Variants in L3MBTL2 observed in about 807,000 individuals in gnomAD.
The protein encoded by L3MBTL2 is lethal(3)malignant brain tumor-like protein 2.
Under a neutral mutation model 86.4 loss-of-function variants are expected in L3MBTL2, and 49 were observed. That is an observed-to-expected ratio of 0.57 (90% CI 0.45 to 0.72). The LOEUF (loss-of-function observed/expected upper bound fraction) is 0.72, where lower values mean the gene tolerates loss of function less well. Among genes scored for constraint, L3MBTL2 ranks in the 30% least tolerant of loss-of-function variants. The pLI is 0.00. For synonymous variants in L3MBTL2, 336 were observed against 350.6 expected (o/e 0.96, Z 0.47); for missense variants, 755 against 923.7 (o/e 0.82, Z 2.37).
At position 41,224,555 on chromosome 22, in the gene L3MBTL2, G is replaced by T. The variant is rs2032052740; in HGVS notation, c.1175-170G>T. Among the ~76,000 whole-genome samples, 1 of 152,106 alleles carries T rather than the reference G, an allele frequency of 6.6e-6. No homozygotes were observed. Among genetic ancestry groups the T allele is most frequent in the Non-Finnish European group, 1.5e-5 (1 of 68,034 alleles). On this transcript the variant is annotated intron_variant, in intron 9 of 16. Transcript: ENST00000216237. The surrounding 1 kb of genome is among the most constrained non-coding windows in gnomAD (Gnocchi z 4.9). ...TACAGAGAGCTCTTGATGTTTTCTGGACTCAACCTTTCTGTCTGCTACTCT... is the reference window on the plus strand; with the variant it reads ...TACAGAGAGCTCTTGATGTTTTCTGTACTCAACCTTTCTGTCTGCTACTCT...
At position 41,224,016 on chromosome 22, in the gene L3MBTL2, T is replaced by G. The variant is rs767040850; in HGVS notation, c.943-4T>G. On this transcript the variant is annotated splice_polypyrimidine_tract_variant and splice_region_variant and intron_variant, in intron 8 of 16. Coordinates refer to ENST00000216237, the MANE Select transcript of L3MBTL2 (RefSeq NM_031488.5). This position sits in a 1 kb window ranked among gnomAD's most constrained non-coding sequence, Gnocchi z 4.9. ...AGCAGGCCTGTGTTCTGACGTCGTT[T>G]CAGATGGTGGAGAGCATGAAGTACC... 1 of 1,613,416 alleles carries G rather than the reference T, an allele frequency of 6.2e-7. No homozygotes were observed. Among genetic ancestry groups the G allele is most frequent in the Non-Finnish European group, 8.5e-7 (1 of 1,179,448 alleles).
At chr22:41,216,406 T>TC in intron 4 of L3MBTL2, 144 bp downstream of exon 4, 1 of 935,400 alleles carries the variant, frequency 1.1e-6, no homozygotes. Context: ...GATTGCATCT[T>TC]CCTCACCTGT....
intron 2 of L3MBTL2, chr22:41,210,144 T>A: frequency 2.5e-4 from 34 of 134,426 alleles, no homozygotes; most frequent in Non-Finnish European, 3.9e-4. Flanking sequence ...GTCTAATTTC[T>A]TTTTTTTTTT....
In L3MBTL2 at chr22:41,230,150, C is replaced by T. The variant is rs954517657; in HGVS notation, c.2017C>T (p.Arg673Cys). ...EPVPGEIIAV[R>C]VKEEHLDVAS... ...CCCTCCCTCTTCAGTCATTGCTGTG[C>T]GTGTGAAGGAAGAGCATCTAGACGT... is the stretch of plus-strand genomic sequence containing the variant. The change falls in exon 17 of 17, where the codon CGT becomes TGT. Residue 673 changes from arginine (R) to cysteine (C), a missense_variant. By Grantham distance (180) the Arg-to-Cys change is radical. This residue lies in a region of L3MBTL2 where 634 missense variants were observed against 748.9 expected (regional missense o/e 0.85). Transcript: ENST00000216237. The T allele has an allele frequency of 7.2e-6, 9 of 1,241,690 alleles. No homozygotes were observed. The Admixed American group carries it at 9.9e-5, about 14-fold the overall frequency. The allele number at this position is 1,241,690 out of a possible 1,614,324, so 76.9% of individuals were successfully genotyped here.
chr22:41,228,343 G>A, intron 15 of L3MBTL2: 1 of 985,478 alleles, frequency 1.0e-6, no homozygotes, highest in Non-Finnish European at 1.2e-6. Context: ...GACTCCACCT[G>A]GCTCTCAGGC....
At position 41,209,885 on chromosome 22, in the gene L3MBTL2, C is replaced by T. The variant is rs957321378; in HGVS notation, c.214C>T (p.Leu72Phe). ...ACTGCCGACCTCCCCGCTGCATTTGCTCAGCCCTGGGACTCCTCGCTCCTT... is the reference window on the plus strand; with the variant it reads ...ACTGCCGACCTCCCCGCTGCATTTGTTCAGCCCTGGGACTCCTCGCTCCTT... ...GELPTSPLHL[L>F]SPGTPRSLDG... The change falls in exon 2 of 17, where the codon CTC (leucine) becomes TTC (phenylalanine). Residue 72 changes from leucine to phenylalanine, a missense_variant. Around this residue, in one of 3 missense-constraint regions of L3MBTL2, gnomAD observed 103 missense variants for 105.2 expected, o/e 0.98. Coordinates refer to ENST00000216237, the MANE Select transcript of L3MBTL2 (RefSeq NM_031488.5). 1 of 1,614,122 alleles carries T rather than the reference C, an allele frequency of 6.2e-7. No homozygotes were observed. The highest frequency in any genetic ancestry group is 1.7e-5 in the Admixed American group (1 of 60,000).
Position 41,224,932 on chromosome 22 carries a change from G to C in L3MBTL2, c.1252-35G>C. On this transcript the variant is annotated intron_variant, in intron 10 of 16. Transcript: ENST00000216237. This position sits in a 1 kb window ranked among gnomAD's most constrained non-coding sequence, Gnocchi z 4.9. ...CTTCCCTCACCCTTCCTCCTGGCCT[G>C]CCCAGGGAGTCCCCAGCTGTCCCAT... is the stretch of plus-strand genomic sequence containing the variant. 6.3e-7 allele frequency: 1 copy of C among 1,598,182 alleles called. No individual in the cohort carries two copies. Among genetic ancestry groups the C allele is most frequent in the Non-Finnish European group, 8.6e-7 (1 of 1,166,802 alleles).
intron 1 of L3MBTL2, 30 bp from the exon 2 acceptor site, chr22:41,209,666 T>C: frequency 6.3e-7 from 1 of 1,599,376 alleles, no homozygotes; most frequent in Non-Finnish European, 8.6e-7. Context: ...TCATAATTCT[T>C]TCTACCTGGT....
At chr22:41,218,681 TG>T (rs2031579194) in intron 5 of L3MBTL2, 1 of 152,338 alleles carries the variant, frequency 6.6e-6, no homozygotes, top group African/African-American at 2.4e-5. Flanking sequence ...TGGAGTGCAA[TG>T]GCACTATCTC....
intron 2 of L3MBTL2, among the ~76,000 whole-genome samples, chr22:41,211,557 C>CTTTCTTTTTTTTTTTTTTTTTTTTTT (rs1039028243): frequency 2.1e-5 from 2 of 97,392 alleles, no homozygotes; most frequent in Non-Finnish European, 2.0e-5. Context: ...ATCTTATTTC[C>CTTTCTTTTTTTTTTTTTTTTTTTTTT]TTTTTTTTTT....
chr22:41,227,216 G>T lies in L3MBTL2; in HGVS notation c.1715G>T (p.Gly572Val). ...VHRLLSIHFD[G>V]WDSEYDQWVD... ...CGGCTCCTCAGCATCCACTTTGACG[G>T]CTGGGACAGCGAGTACGACCAGTGG... The change falls in exon 14 of 17, where the codon GGC (glycine) becomes GTC (valine). Residue 572 changes from glycine to valine, a missense_variant. Around this residue, in one of 3 missense-constraint regions of L3MBTL2, gnomAD observed 634 missense variants for 748.9 expected, o/e 0.85. Coordinates refer to ENST00000216237, the MANE Select transcript of L3MBTL2 (RefSeq NM_031488.5). The surrounding 1 kb of genome is among the most constrained non-coding windows in gnomAD (Gnocchi z 6.0). 1.2e-6 allele frequency: 2 copies of T among 1,613,542 alleles called. No individual in the cohort carries two copies. Among genetic ancestry groups the T allele is most frequent in the Non-Finnish European group, 1.7e-6 (2 of 1,180,004 alleles).
intron 15 of L3MBTL2, among the ~76,000 whole-genome samples, chr22:41,229,180 C>G (rs533828329): frequency 6.6e-6 from 1 of 152,270 alleles, no homozygotes; most frequent in South Asian, 2.1e-4. Flanking sequence ...TCACCTGAGC[C>G]TGGGAGGTCA....
chr22:41,219,721 C>T (rs1382452945), intron 6 of L3MBTL2, among the ~76,000 whole-genome samples, 185 bp downstream of exon 6: 1 of 152,062 alleles, frequency 6.6e-6, no homozygotes, highest in African/African-American at 2.4e-5. Context: ...GCTTGGAAAC[C>T]CCAAATTTTT....
At chr22:41,206,168 A>T (rs557775765) in intron 1 of L3MBTL2, 1 of 152,020 alleles carries the variant, frequency 6.6e-6, no homozygotes, top group Non-Finnish European at 1.5e-5. Flanking sequence ...TTTTTAGTAG[A>T]GACGAGGTTT....
At chr22:41,228,848 G>A (rs1278612787) in intron 15 of L3MBTL2, among the ~76,000 whole-genome samples, 8 of 133,690 alleles carry the variant, frequency 6.0e-5, no homozygotes, top group Non-Finnish European at 9.6e-5. Context: ...AAACTCCATC[G>A]CACAAAAAAA....
rs1274350487 is a variant in L3MBTL2 at position 41,224,114 on chromosome 22, A to G, written c.1037A>G (p.Asp346Gly). 6.2e-7 allele frequency: 1 copy of G among 1,614,132 alleles called. No homozygotes were observed. Among genetic ancestry groups the G allele is most frequent in the Non-Finnish European group, 8.5e-7 (1 of 1,180,008 alleles). The change falls in exon 9 of 17, where the codon GAC becomes GGC. Residue 346 changes from aspartate to glycine, a missense_variant. By Grantham distance (94) the Asp-to-Gly change is moderately conservative. Coordinates refer to ENST00000216237, the MANE Select transcript of L3MBTL2 (RefSeq NM_031488.5). This position sits in a 1 kb window ranked among gnomAD's most constrained non-coding sequence, Gnocchi z 4.9. ...TCACGCACTCGCATGGCTGTGGTGG[A>G]CACAGTAATCGGGGGTCGCCTACGG... ...QVSRTRMAVV[D>G]TVIGGRLRLL...
rs372087476 is a variant in L3MBTL2, at chr22:41,226,793, G to A, written c.1587+49G>A. ...GGGGCCTGCGGTGGCCTCAGGACAG[G>A]CCCTGCCTGCTGCTGTCAGTGGTGG... is the stretch of plus-strand genomic sequence containing the variant. On this transcript the variant is annotated intron_variant, in intron 13 of 16. Transcript: ENST00000216237. The A allele has an allele frequency of 7.5e-5, 98 of 1,310,460 alleles. No homozygotes were observed. The African/African-American group carries it at 9.1e-4, about 12-fold the overall frequency. The allele number at this position is 1,310,460 out of a possible 1,614,324, so 81.2% of individuals were successfully genotyped here.
chr22:41,212,397 T>C (rs1252513540), intron 2 of L3MBTL2, among the ~76,000 whole-genome samples: 3 of 43,562 alleles, frequency 6.9e-5, no homozygotes, highest in Non-Finnish European at 1.4e-4. Context: ...AGGTTCAGGC[T>C]TTTTTTTTTT....
chr22:41,211,557 C>CTTTCTTTTT (rs1039028243), intron 2 of L3MBTL2, among the ~76,000 whole-genome samples: 2 of 97,392 alleles, frequency 2.1e-5, no homozygotes, highest in Admixed American at 1.1e-4. Flanking sequence ...ATCTTATTTC[C>CTTTCTTTTT]TTTTTTTTTT....
Sources: gnomAD v4.1 joint callset for allele counts (sites outside exome capture counted in the v4.1 genomes callset) on GRCh38, gnomAD v4.1.1 for gene constraint, gnomAD v4.1.1 regional missense constraint, Gnocchi (gnomAD v3.1) non-coding constraint, MANE v1.5 for transcripts, NCBI Gene and HGNC (gene_info 2026-07-23, HGNC 2026-07-21) for gene names.